The following BMP3 variants were observed in gnomAD, a reference collection of about 807,000 sequenced individuals.
The protein encoded by BMP3 is bone morphogenetic protein 3, also known as bone morphogenetic protein 3 (osteogenic).
BMP3 carries 23 observed loss-of-function variants against 38.1 expected under a neutral mutation model. The ratio of observed to expected loss-of-function variants is 0.60; its 90% CI spans 0.43 to 0.86. BMP3 has a LOEUF of 0.86. Ranked by LOEUF, BMP3 falls within the 40% of genes least tolerant of loss-of-function variation. BMP3 has a pLI of 0.00. For missense variants in BMP3, 628 were observed against 579.6 expected (o/e 1.08, Z -0.86); for synonymous variants, 258 against 225.7 (o/e 1.14, Z -1.28).
intron 2 of BMP3, among the ~76,000 whole-genome samples, chr4:81,052,843 G>A (rs940180475): frequency 1.3e-5 from 2 of 152,064 alleles, no homozygotes; most frequent in African/African-American, 4.8e-5. Context: ...TATAGCAGTG[G>A]CAATAATGTA....
chr4:81,044,862 C>A (rs952871088), intron 1 of BMP3, among the ~76,000 whole-genome samples: 1 of 152,154 alleles, frequency 6.6e-6, no homozygotes, highest in African/African-American at 2.4e-5. Context: ...ATTTCTTTAT[C>A]CATTCATCCA....
chr4:81,051,717 C>A (rs1311115015), intron 2 of BMP3, among the ~76,000 whole-genome samples: 1 of 152,046 alleles, frequency 6.6e-6, no homozygotes, highest in African/African-American at 2.4e-5. Context: ...GCAGGGCATA[C>A]AATGTGCAAA....
chr4:81,053,599 CTGTT>C lies in BMP3; in HGVS notation c.*65_*68del. 5.3e-6 allele frequency: 3 copies of C among 561,926 alleles called. No homozygotes were observed. The highest frequency in any genetic ancestry group is 4.8e-6 in the Non-Finnish European group (2 of 413,340). The allele number at this position is 561,926 out of a possible 1,614,324, so 34.8% of individuals were successfully genotyped here. On this transcript the variant is annotated 3_prime_UTR_variant, in exon 3 of 3. Coordinates refer to ENST00000282701, the MANE Select transcript of BMP3 (RefSeq NM_001201.5). Reference sequence around the variant, plus strand: ...TTAGTTTATTTTTATGGACTTCTTCCTGTTTTTTTTTTTTTTTTTTTTGCACTGC... The same window carrying C: ...TTAGTTTATTTTTATGGACTTCTTCCTTTTTTTTTTTTTTTTTTGCACTGC...
At position 81,046,047 on chromosome 4, in the gene BMP3, C is replaced by A. The variant is rs756251230; in HGVS notation, c.626C>A (p.Ala209Asp). 6.2e-7 allele frequency: 1 copy of A among 1,614,112 alleles called. No individual in the cohort carries two copies. The highest frequency in any genetic ancestry group is 8.5e-7 in the Non-Finnish European group (1 of 1,179,998). Reference sequence around the variant, plus strand: ...GATATCACTCAACTCTTGAGGAAGGCCAAAGAAAATGAAGAGTTCCTCATA... The same window carrying A: ...GATATCACTCAACTCTTGAGGAAGGACAAAGAAAATGAAGAGTTCCTCATA... ...SKDITQLLRK[A>D]KENEEFLIGF... Residue 209 changes from alanine (A) to aspartate (D), a missense_variant, in exon 2 of 3, where the codon GCC (alanine) becomes GAC (aspartate). Coordinates refer to ENST00000282701, the MANE Select transcript of BMP3 (RefSeq NM_001201.5).
chr4:81,044,673 G>C (rs578096118), intron 1 of BMP3, among the ~76,000 whole-genome samples: 3 of 152,134 alleles, frequency 2.0e-5, no homozygotes, highest in Non-Finnish European at 4.4e-5. Context: ...ATCTGATTCT[G>C]TCTCTATGGA....
At position 81,031,509 on chromosome 4, in the gene BMP3, A is replaced by C. The variant is rs1739767002; in HGVS notation, c.225A>C (p.Thr75=). The C allele has an allele frequency of 6.2e-7, 1 of 1,611,960 alleles. No individual in the cohort carries two copies. Among genetic ancestry groups the C allele is most frequent in the Non-Finnish European group, 8.5e-7 (1 of 1,179,438 alleles). The change falls in exon 1 of 3, where the codon ACA becomes ACC. Residue 75 remains threonine, a synonymous_variant. Coordinates refer to ENST00000282701, the MANE Select transcript of BMP3 (RefSeq NM_001201.5). ...DRYSTVQAAR[T]PGSLEGGSQP... ...ACAGCACGGTCCAGGCGGCCCGGAC[A>C]CCGGGCTCCCTGGAGGGAGGCTCGC...
At chr4:81,045,292 T>C (rs1329644360) in intron 1 of BMP3, among the ~76,000 whole-genome samples, 2 of 152,180 alleles carry the variant, frequency 1.3e-5, no homozygotes, top group African/African-American at 4.8e-5. Flanking sequence ...ATTTTCCCAT[T>C]TTTATTTGGT....
At chr4:81,032,268 G>A (rs927330311) in intron 1 of BMP3, among the ~76,000 whole-genome samples, 2 of 145,896 alleles carry the variant, frequency 1.4e-5, no homozygotes, top group African/African-American at 5.1e-5. Flanking sequence ...GGTAAACAGG[G>A]GTTGTACCAT....
chr4:81,038,562 T>C (rs1354069612), intron 1 of BMP3, among the ~76,000 whole-genome samples: 1 of 152,220 alleles, frequency 6.6e-6, no homozygotes, highest in Non-Finnish European at 1.5e-5. Flanking sequence ...CATTTTACCA[T>C]TTATATATTA....
intron 1 of BMP3, among the ~76,000 whole-genome samples, chr4:81,036,849 A>C (rs1739938031): frequency 6.6e-6 from 1 of 152,024 alleles, no homozygotes. Flanking sequence ...TGGCATATAC[A>C]GCAGTACTCC....
rs769459824 is a variant in BMP3, at chr4:81,046,191, C to T, written c.770C>T (p.Ser257Leu). The T allele has an allele frequency of 6.2e-7, 1 of 1,614,072 alleles. No individual in the cohort carries two copies. Among genetic ancestry groups the T allele is most frequent in the South Asian group, 1.1e-5 (1 of 91,076 alleles). The change falls in exon 2 of 3, where the codon TCA becomes TTA. Residue 257 changes from serine (S) to leucine (L), a missense_variant. Transcript: ENST00000282701. Reference sequence around the variant, plus strand: ...ATTTCTGAGCCAGAAAGTGTGGTATCAAGCTTACAGGGACACCGGAATTTT... The same window carrying T: ...ATTTCTGAGCCAGAAAGTGTGGTATTAAGCTTACAGGGACACCGGAATTTT... ...AAISEPESVV[S>L]SLQGHRNFPT...
At chr4:81,042,618 C>G (rs113034543) in intron 1 of BMP3, among the ~76,000 whole-genome samples, 1 of 152,190 alleles carries the variant, frequency 6.6e-6, no homozygotes, top group African/African-American at 2.4e-5. Context: ...TAATTAACAG[C>G]AGGTCACAAG....
At position 81,046,070 on chromosome 4, in the gene BMP3, A is replaced by G. The variant is rs1412628871; in HGVS notation, c.649A>G (p.Ile217Val). The change falls in exon 2 of 3, where the codon ATA becomes GTA. Residue 217 changes from isoleucine to valine, a missense_variant. Physicochemically the swap from Ile to Val is conservative, Grantham distance 29. Transcript: ENST00000282701. ...RKAKENEEFL[I>V]GFNITSKGRQ... is the part of the protein sequence containing the mutation. Reference sequence around the variant, plus strand: ...GGCCAAAGAAAATGAAGAGTTCCTCATAGGATTTAACATTACGTCCAAGGG... The same window carrying G: ...GGCCAAAGAAAATGAAGAGTTCCTCGTAGGATTTAACATTACGTCCAAGGG... The G allele has an allele frequency of 7.4e-6, 12 of 1,614,060 alleles. No individual in the cohort carries two copies. The highest frequency in any genetic ancestry group is 6.8e-6 in the Non-Finnish European group (8 of 1,180,020).
Position 81,046,178 on chromosome 4 carries a change from G to C in BMP3, c.757G>C (p.Glu253Gln), listed in dbSNP as rs957904588. 2 of 1,613,982 alleles carry C rather than the reference G, an allele frequency of 1.2e-6. No individual in the cohort carries two copies. Among genetic ancestry groups the C allele is most frequent in the African/African-American group, 2.7e-5 (2 of 74,922 alleles). Residue 253 changes from glutamate to glutamine, a missense_variant, in exon 2 of 3, where the codon GAA (glutamate) becomes CAA (glutamine). Glu to Gln is a conservative substitution (Grantham distance 29, BLOSUM62 2). Transcript: ENST00000282701. ...YANDAAISEP[E>Q]SVVSSLQGHR... Reference sequence around the variant, plus strand: ...CAATGATGCCGCCATTTCTGAGCCAGAAAGTGTGGTATCAAGCTTACAGGG... The same window carrying C: ...CAATGATGCCGCCATTTCTGAGCCACAAAGTGTGGTATCAAGCTTACAGGG...
At chr4:81,032,634 A>T (rs1739811214) in intron 1 of BMP3, among the ~76,000 whole-genome samples, 1 of 152,238 alleles carries the variant, frequency 6.6e-6, no homozygotes, top group African/African-American at 2.4e-5. Context: ...TCTTCAAGAA[A>T]ATGAGGCCAT....
chr4:81,056,755 T>C lies in BMP3; in HGVS notation c.*3219T>C, dbSNP rs1434498235. 6.6e-6 allele frequency: 1 copy of C among 152,604 alleles called. No homozygotes were observed. The highest frequency in any genetic ancestry group is 2.4e-5 in the African/African-American group (1 of 41,450). The allele number at this position is 152,604 out of a possible 1,614,324, so 9.5% of individuals were successfully genotyped here. A position where few individuals can be genotyped will look rare whatever the true frequency, so the allele number is the denominator to read the frequency against. ...GTATATTAACTGATGATCATTTATATGTTAAGATTTTTTACCTTAATATTT... is the reference window on the plus strand; with the variant it reads ...GTATATTAACTGATGATCATTTATACGTTAAGATTTTTTACCTTAATATTT... On this transcript the variant is annotated 3_prime_UTR_variant, in exon 3 of 3. Coordinates refer to ENST00000282701, the MANE Select transcript of BMP3 (RefSeq NM_001201.5).
Position 81,054,400 on chromosome 4 carries a change from T to C in BMP3, c.*864T>C, listed in dbSNP as rs377133176. On this transcript the variant is annotated 3_prime_UTR_variant, in exon 3 of 3. Transcript: ENST00000282701. ...GTAATTCCTCTTTTGTACTTCTTTT[T>C]CACAAATGCTTTTATTTATTCTAAA... 6.6e-6 allele frequency: 1 copy of C among 152,388 alleles called. No individual in the cohort carries two copies. The highest frequency in any genetic ancestry group is 1.9e-4 in the East Asian group (1 of 5,202). 9.4% of individuals were successfully genotyped at this position (152,388 alleles called of 1,614,324 possible).
At chr4:81,033,500 G>A (rs1203939304) in intron 1 of BMP3, among the ~76,000 whole-genome samples, 1 of 152,170 alleles carries the variant, frequency 6.6e-6, no homozygotes, top group African/African-American at 2.4e-5. Context: ...ATACAAGGCT[G>A]TGTGCCCTGA....
chr4:81,038,575 T>C (rs1268286119), intron 1 of BMP3, among the ~76,000 whole-genome samples: 1 of 152,234 alleles, frequency 6.6e-6, no homozygotes. Context: ...ATATATTAAA[T>C]GGCAATACTA....
Sources: gnomAD v4.1 joint callset for allele counts (sites outside exome capture counted in the v4.1 genomes callset) on GRCh38, gnomAD v4.1.1 for gene constraint, MANE v1.5 for transcripts, NCBI Gene and HGNC (gene_info 2026-07-23, HGNC 2026-07-21) for gene names.